The following HECW1 variants were observed in gnomAD, a reference collection of about 807,000 sequenced individuals.
The protein encoded by HECW1 is E3 ubiquitin-protein ligase HECW1.
A neutral mutation model predicts 182.3 loss-of-function variants in HECW1; 61 were observed. The ratio of observed to expected loss-of-function variants is 0.33; its 90% CI spans 0.27 to 0.41. The LOEUF (loss-of-function observed/expected upper bound fraction) is 0.41, where lower values mean the gene tolerates loss of function less well. Among genes scored for constraint, HECW1 ranks in the 10% least tolerant of loss-of-function variants. The pLI is 1.00. For synonymous variants in HECW1, 859 were observed against 832.6 expected, an observed-to-expected ratio of 1.03 and a Z score of -0.55; for missense variants, 1,739 against 2,108.9, an observed-to-expected ratio of 0.82 and a Z score of 3.44.
chr7:43,508,508 C>T (rs938363028), intron 23 of HECW1, among the ~76,000 whole-genome samples: 3 of 152,326 alleles, frequency 2.0e-5, no homozygotes, highest in Non-Finnish European at 2.9e-5. Context: ...TGGGAAACCA[C>T]CTCAACCATG....
At chr7:43,457,074 G>C (rs1180304036) in intron 13 of HECW1, among the ~76,000 whole-genome samples, 1 of 152,134 alleles carries the variant, frequency 6.6e-6, no homozygotes, top group African/African-American at 2.4e-5. Flanking sequence ...GAAAAACTAG[G>C]CCCTCTCTAT....
At chr7:43,496,842 T>C (rs1266517615) in intron 19 of HECW1, among the ~76,000 whole-genome samples, 1 of 152,192 alleles carries the variant, frequency 6.6e-6, no homozygotes, top group Non-Finnish European at 1.5e-5. Context: ...ATGGCATCTG[T>C]TATCTTCAAG....
intron 16 of HECW1, among the ~76,000 whole-genome samples, chr7:43,473,882 T>C (rs1331093960): frequency 6.6e-6 from 1 of 151,824 alleles, no homozygotes; most frequent in Non-Finnish European, 1.5e-5. Flanking sequence ...AAGATGGAAA[T>C]AATAAAAGTA....
At chr7:43,196,773 C>T (rs1341815942) in intron 2 of HECW1, among the ~76,000 whole-genome samples, 4 of 152,086 alleles carry the variant, frequency 2.6e-5, no homozygotes, top group Non-Finnish European at 4.4e-5. Context: ...CATTACATAC[C>T]TTTATTTATT....
At chr7:43,461,508 C>G (rs1220969795) in intron 13 of HECW1, among the ~76,000 whole-genome samples, 3 of 152,218 alleles carry the variant, frequency 2.0e-5, no homozygotes, top group Non-Finnish European at 4.4e-5. Flanking sequence ...CCAGTAGCAG[C>G]TGCCTTAGTC....
Position 43,438,287 on chromosome 7 carries a change from A to G in HECW1, c.944+142A>G, listed in dbSNP as rs1584907309. On this transcript the variant is annotated intron_variant, in intron 9 of 29. Coordinates refer to ENST00000395891, the MANE Select transcript of HECW1 (RefSeq NM_015052.5). ...ATTTCCTTTGTTTTTCCTACTAATTATGTTGCCTGAGCCAACATAAGTGTT... is the reference window on the plus strand; with the variant it reads ...ATTTCCTTTGTTTTTCCTACTAATTGTGTTGCCTGAGCCAACATAAGTGTT... 3 of 662,162 alleles carry G rather than the reference A, an allele frequency of 4.5e-6. No individual in the cohort carries two copies. In the East Asian group the frequency reaches 8.6e-5, roughly 19 times the overall value. 41.0% of individuals were successfully genotyped at this position (662,162 alleles called of 1,614,324 possible).
intron 15 of HECW1, among the ~76,000 whole-genome samples, chr7:43,467,041 TG>T (rs1381149630): frequency 6.6e-6 from 1 of 152,256 alleles, no homozygotes; most frequent in African/African-American, 2.4e-5. Context: ...GTTTTTTCAT[TG>T]CTTTTTTGGT....
intron 24 of HECW1, among the ~76,000 whole-genome samples, chr7:43,523,687 T>G (rs2080625767): frequency 6.6e-6 from 1 of 151,756 alleles, no homozygotes; most frequent in African/African-American, 2.4e-5. Flanking sequence ...TCGAGGGAAA[T>G]AAATGGCAAG....
intron 2 of HECW1, among the ~76,000 whole-genome samples, chr7:43,214,819 G>A (rs1204703122): frequency 6.6e-6 from 1 of 152,204 alleles, no homozygotes; most frequent in Non-Finnish European, 1.5e-5. Context: ...CACAGTGAGG[G>A]AACCATGTGG....
At chr7:43,555,518 C>T (rs560885392) in intron 29 of HECW1, among the ~76,000 whole-genome samples, 84 of 152,326 alleles carry the variant, frequency 5.5e-4, no homozygotes, top group African/African-American at 1.9e-3. Flanking sequence ...AAAAGATTGA[C>T]CCCTATTATC....
At chr7:43,252,689 A>T (rs926952444) in intron 3 of HECW1, among the ~76,000 whole-genome samples, 3 of 152,198 alleles carry the variant, frequency 2.0e-5, no homozygotes, top group African/African-American at 7.2e-5. Flanking sequence ...AACCTTCATC[A>T]TGGATAGTTA....
At chr7:43,495,420 T>C (rs1729901937) in intron 19 of HECW1, among the ~76,000 whole-genome samples, 1 of 152,198 alleles carries the variant, frequency 6.6e-6, no homozygotes, top group African/African-American at 2.4e-5. Flanking sequence ...AGTATTTCTT[T>C]TGTCTTGCTT....
intron 3 of HECW1, chr7:43,274,548 G>C (rs1802844711): frequency 3.6e-6 from 2 of 549,648 alleles, no homozygotes; most frequent in Non-Finnish European, 6.8e-6. Context: ...GCCGGGCCAC[G>C]CTTCACCACC....
In HECW1 at chr7:43,444,916, G is replaced by C; in HGVS notation, c.1744G>C (p.Glu582Gln). ...CCAGGGCGGCAGCGCGGCAGAGGAG[G>C]AGGACGGCGCGGAGGAGGAGTCCAC... ...SAQGGSAAEEEDGAEEESTLK... is the reference protein window; with the variant it reads ...SAQGGSAAEEQDGAEEESTLK... Residue 582 changes from glutamate to glutamine, a missense_variant, in exon 11 of 30, where the codon GAG becomes CAG. By Grantham distance (29) the Glu-to-Gln change is conservative. Coordinates refer to ENST00000395891, the MANE Select transcript of HECW1 (RefSeq NM_015052.5). This position sits in a 1 kb window ranked among gnomAD's most constrained non-coding sequence, Gnocchi z 4.3. 6.3e-7 allele frequency: 1 copy of C among 1,599,112 alleles called. No homozygotes were observed. Among genetic ancestry groups the C allele is most frequent in the Non-Finnish European group, 8.5e-7 (1 of 1,171,692 alleles).
At chr7:43,466,135 G>A (rs1039461736) in intron 14 of HECW1, among the ~76,000 whole-genome samples, 3 of 148,014 alleles carry the variant, frequency 2.0e-5, no homozygotes, top group Non-Finnish European at 3.0e-5. Context: ...AAGAAAGAAA[G>A]GGAAAGAGAG....
intron 3 of HECW1, among the ~76,000 whole-genome samples, chr7:43,269,638 C>T (rs1240375470): frequency 6.6e-6 from 1 of 152,156 alleles, no homozygotes; most frequent in African/African-American, 2.4e-5. Flanking sequence ...TCTGGGAATA[C>T]CCCACCACAG....
rs368223664 is a variant in HECW1 at position 43,557,363 on chromosome 7, G to A, written c.4709+2573G>A. ...TTCCCAGATGAGAGCGCCAGACACC[G>A]CCACAGCAAAACCCGGTCATAGCCC... On this transcript the variant is annotated intron_variant, in intron 29 of 29. Coordinates refer to ENST00000395891, the MANE Select transcript of HECW1 (RefSeq NM_015052.5). 5.3e-5 allele frequency among the ~76,000 whole-genome samples: 8 copies of A among 152,322 alleles called. No homozygotes were observed. The East Asian group carries it at 5.8e-4, about 11-fold the overall frequency.
chr7:43,170,105 T>C (rs888794936), intron 2 of HECW1, among the ~76,000 whole-genome samples: 3 of 152,200 alleles, frequency 2.0e-5, no homozygotes, highest in African/African-American at 7.2e-5. Context: ...GCATTACCGC[T>C]TGAGCTCTGC....
intron 8 of HECW1, among the ~76,000 whole-genome samples, chr7:43,422,650 T>G (rs929790353): frequency 6.6e-6 from 1 of 152,182 alleles, no homozygotes; most frequent in African/African-American, 2.4e-5. Flanking sequence ...ATTACAAGCA[T>G]GAGCCACAGC....
Sources: gnomAD v4.1 joint callset for allele counts (sites outside exome capture counted in the v4.1 genomes callset) on GRCh38, gnomAD v4.1.1 for gene constraint, Gnocchi (gnomAD v3.1) non-coding constraint, MANE v1.5 for transcripts, NCBI Gene and HGNC (gene_info 2026-07-23, HGNC 2026-07-21) for gene names.